The following PAK5 variants were observed in gnomAD, a reference collection of about 807,000 sequenced individuals.
The protein encoded by PAK5 is p21 (RAC1) activated kinase 5.
In PAK5, 16 loss-of-function variants were observed where a neutral mutation model predicts 65.9. That is an observed-to-expected ratio of 0.24 (90% confidence interval 0.16 to 0.37). The LOEUF is 0.37. Ranked by LOEUF, PAK5 falls within the 10% of genes least tolerant of loss-of-function variation. The pLI, the probability that PAK5 is intolerant of heterozygous loss-of-function variation, is 1.00. For missense variants in PAK5, 785 were observed against 903.9 expected (o/e 0.87, Z 1.69); for synonymous variants, 371 against 354.9 (o/e 1.05, Z -0.51).
rs1454847987 is a variant in PAK5 at position 9,829,927 on chromosome 20, C to T, written c.-162+8835G>A. 2.6e-5 allele frequency among the ~76,000 whole-genome samples: 4 copies of T among 152,304 alleles called. 1 individual carries two copies. Among genetic ancestry groups the T allele is most frequent in the African/African-American group, 9.6e-5 (4 of 41,560 alleles). ...TTTCTCTTTCTACCATGGCCTCCAG[C>T]ACTTGTGTGGAGACTACAAAGTCCA... On this transcript the variant is annotated intron_variant, in intron 1 of 9. Coordinates refer to ENST00000353224, the MANE Select transcript of PAK5 (RefSeq NM_177990.4).
At chr20:9,549,835 C>T (rs1421382128) in intron 7 of PAK5, among the ~76,000 whole-genome samples, 1 of 152,152 alleles carries the variant, frequency 6.6e-6, no homozygotes, top group Non-Finnish European at 1.5e-5. Flanking sequence ...CTACCTGCTC[C>T]TTTTCTCTTG....
intron 1 of PAK5, among the ~76,000 whole-genome samples, chr20:9,815,610 T>C (rs2123762886): frequency 6.6e-6 from 1 of 152,288 alleles, no homozygotes; most frequent in South Asian, 2.1e-4. Context: ...GTTATAATTC[T>C]CTGTGTTCTG....
At chr20:9,798,895 A>G (rs1486004701) in intron 1 of PAK5, among the ~76,000 whole-genome samples, 3 of 152,122 alleles carry the variant, frequency 2.0e-5, no homozygotes, top group Non-Finnish European at 4.4e-5. Context: ...ATATCAGAAT[A>G]CCTGGGTATA....
chr20:9,665,701 A>C (rs1028266929), intron 2 of PAK5, among the ~76,000 whole-genome samples: 3 of 150,246 alleles, frequency 2.0e-5, no homozygotes, highest in Non-Finnish European at 4.4e-5. Flanking sequence ...TATGTTGTCC[A>C]AAAGCTGACC....
chr20:9,629,482 T>G (rs558137011), intron 3 of PAK5, among the ~76,000 whole-genome samples: 1 of 149,912 alleles, frequency 6.7e-6, no homozygotes, highest in East Asian at 2.0e-4. Context: ...TCCTCCTTTT[T>G]TTTTTTGAAA....
At chr20:9,704,592 T>A (rs1030280002) in intron 2 of PAK5, among the ~76,000 whole-genome samples, 1 of 152,136 alleles carries the variant, frequency 6.6e-6, no homozygotes, top group Non-Finnish European at 1.5e-5. Flanking sequence ...CAAAATCCTA[T>A]CTGTAGGGTA....
intron 1 of PAK5, among the ~76,000 whole-genome samples, chr20:9,774,498 T>C (rs2048866583): frequency 6.6e-6 from 1 of 152,208 alleles, no homozygotes; most frequent in African/African-American, 2.4e-5. Context: ...ATCAGCTTTA[T>C]TATCTAGCAA....
At chr20:9,830,739 T>C (rs1238013993) in intron 1 of PAK5, among the ~76,000 whole-genome samples, 1 of 152,114 alleles carries the variant, frequency 6.6e-6, no homozygotes, top group East Asian at 1.9e-4. Context: ...AAGAGGAAAA[T>C]GTACCTTCTG....
chr20:9,836,843 A>G (rs947901763), intron 1 of PAK5, among the ~76,000 whole-genome samples: 2 of 152,188 alleles, frequency 1.3e-5, no homozygotes, highest in Admixed American at 1.3e-4. Flanking sequence ...TCATCTAGAT[A>G]AGTCTTACTA....
At chr20:9,554,626 T>C (rs2045479542) in intron 7 of PAK5, among the ~76,000 whole-genome samples, 1 of 152,204 alleles carries the variant, frequency 6.6e-6, no homozygotes, top group African/African-American at 2.4e-5. Context: ...GAAAAAGTCT[T>C]CTCCACTATA....
At chr20:9,554,830 C>A (rs1167317808) in intron 7 of PAK5, among the ~76,000 whole-genome samples, 1 of 152,142 alleles carries the variant, frequency 6.6e-6, no homozygotes, top group Non-Finnish European at 1.5e-5. Context: ...CCAAGAGGCA[C>A]AAGATCCACT....
intron 7 of PAK5, among the ~76,000 whole-genome samples, chr20:9,547,238 C>T (rs955701527): frequency 6.6e-6 from 1 of 152,096 alleles, no homozygotes; most frequent in Admixed American, 6.6e-5. Flanking sequence ...TCAGAGCTTC[C>T]AGAAGGAATC....
intron 4 of PAK5, among the ~76,000 whole-genome samples, chr20:9,573,661 AG>A (rs2045832526): frequency 6.6e-6 from 1 of 152,146 alleles, no homozygotes; most frequent in Admixed American, 6.5e-5. Flanking sequence ...AAAGAAGAGA[AG>A]GAAAAAACAG....
intron 6 of PAK5, among the ~76,000 whole-genome samples, chr20:9,558,889 T>G (rs2045552071): frequency 6.6e-6 from 1 of 152,248 alleles, no homozygotes; most frequent in South Asian, 2.1e-4. Context: ...TCCACAGTTT[T>G]AGAGGGGGAG....
At chr20:9,790,042 C>G (rs758652058) in intron 1 of PAK5, among the ~76,000 whole-genome samples, 1 of 152,090 alleles carries the variant, frequency 6.6e-6, no homozygotes, top group Non-Finnish European at 1.5e-5. Flanking sequence ...GTTTAAGGAG[C>G]TTCATTCTCC....
At chr20:9,699,746 A>G (rs1306582184) in intron 2 of PAK5, among the ~76,000 whole-genome samples, 2 of 151,734 alleles carry the variant, frequency 1.3e-5, no homozygotes, top group Non-Finnish European at 2.9e-5. Context: ...GAGGACTTGG[A>G]AAAAAAAGTG....
chr20:9,545,050 C>T (rs2045323190), intron 7 of PAK5, among the ~76,000 whole-genome samples: 1 of 152,152 alleles, frequency 6.6e-6, no homozygotes, highest in African/African-American at 2.4e-5. Flanking sequence ...GGATACCCTT[C>T]CCTTTTTGGT....
At chr20:9,654,100 A>C (rs2047235960) in intron 2 of PAK5, among the ~76,000 whole-genome samples, 2 of 151,524 alleles carry the variant, frequency 1.3e-5, no homozygotes, top group African/African-American at 4.9e-5. Context: ...CAGCCACCTG[A>C]GTGGCTGGGA....
At chr20:9,594,851 T>C (rs1019400271) in intron 3 of PAK5, among the ~76,000 whole-genome samples, 1 of 152,192 alleles carries the variant, frequency 6.6e-6, no homozygotes, top group Non-Finnish European at 1.5e-5. Context: ...CCATTTGCCT[T>C]TGATTTAGTC....
Sources: allele counts gnomAD v4.1 joint callset (sites outside exome capture counted in the v4.1 genomes callset), GRCh38; gene constraint gnomAD v4.1.1; transcripts MANE v1.5; gene names NCBI Gene and HGNC (gene_info 2026-07-23, HGNC 2026-07-21).